PAPOLA: variants seen among roughly 807,000 people sequenced by gnomAD.
PAPOLA encodes the protein poly(A) polymerase alpha.
In PAPOLA, 15 loss-of-function variants were observed where a neutral mutation model predicts 100.6. The observed-to-expected ratio is 0.15, with a 90% CI of 0.10 to 0.23. The LOEUF is 0.23. Among genes scored for constraint, PAPOLA ranks in the 10% least tolerant of loss-of-function variants. PAPOLA has a pLI of 1.00. For missense variants in PAPOLA, 533 were observed against 884.2 expected (o/e 0.60, Z 5.04); for synonymous variants, 293 against 300.0 (o/e 0.98, Z 0.24).
At chr14:96,512,319 C>T (rs1036673179) in intron 1 of PAPOLA, among the ~76,000 whole-genome samples, 6 of 151,778 alleles carry the variant, frequency 4.0e-5, no homozygotes, top group East Asian at 1.9e-4. Flanking sequence ...AAGGGAGGAT[C>T]GCCTGAGCTC....
At chr14:96,550,504 A>G (rs190333579) in intron 16 of PAPOLA, among the ~76,000 whole-genome samples, 49 of 152,324 alleles carry the variant, frequency 3.2e-4, no homozygotes, top group African/African-American at 1.2e-3. Context: ...CAAAAATTCT[A>G]TCAGATGAAG....
intron 12 of PAPOLA, among the ~76,000 whole-genome samples, chr14:96,538,390 A>T (rs1899708700): frequency 6.6e-6 from 1 of 152,046 alleles, no homozygotes; most frequent in Non-Finnish European, 1.5e-5. Flanking sequence ...GAACAAATTC[A>T]CATCATTAGA....
intron 1 of PAPOLA, among the ~76,000 whole-genome samples, chr14:96,505,559 C>T (rs1896650893): frequency 6.6e-6 from 1 of 151,950 alleles, no homozygotes; most frequent in Non-Finnish European, 1.5e-5. Context: ...AAGGTTTAGG[C>T]GAGACAATAG....
intron 1 of PAPOLA, among the ~76,000 whole-genome samples, chr14:96,516,332 TCTTTCCTTCC>T (rs1897459878): frequency 2.6e-5 from 4 of 152,166 alleles, no homozygotes; most frequent in South Asian, 4.1e-4. Context: ...TTTCTTTCTT[TCTTTCCTTCC>T]CTTTCCTTCC....
rs780610032 is a variant in PAPOLA, at chr14:96,502,419, G to C, written c.-174G>C. ...TGGTAGCGCTCGGGCGCCATGTTAG[G>C]ACGAAGGGGAAGGAGGAGAAGCGCT... is the stretch of plus-strand genomic sequence containing the variant. On this transcript the variant is annotated 5_prime_UTR_variant, in exon 1 of 22. Coordinates refer to ENST00000216277, the MANE Select transcript of PAPOLA (RefSeq NM_032632.5). 40 of 702,664 alleles carry C rather than the reference G, an allele frequency of 5.7e-5. No individual in the cohort carries two copies. Among genetic ancestry groups the C allele is most frequent in the Non-Finnish European group, 9.9e-5 (38 of 385,260 alleles). The allele number at this position is 702,664 out of a possible 1,614,324, so 43.5% of individuals were successfully genotyped here.
In PAPOLA at chr14:96,502,451, G is replaced by T. The variant is rs762085883; in HGVS notation, c.-142G>T. The T allele has an allele frequency of 7.0e-6, 5 of 709,886 alleles. No homozygotes were observed. The African/African-American group carries it at 7.2e-5, about 10-fold the overall frequency. 44.0% of individuals were successfully genotyped at this position (709,886 alleles called of 1,614,324 possible). On this transcript the variant is annotated 5_prime_UTR_variant, in exon 1 of 22. Transcript: ENST00000216277. Reference sequence around the variant, plus strand: ...GGGAAGGAGGAGAAGCGCTTAAAGCGGCGGGAGCGGTGCGGGAGAGGGGTT... The same window carrying T: ...GGGAAGGAGGAGAAGCGCTTAAAGCTGCGGGAGCGGTGCGGGAGAGGGGTT...
At chr14:96,515,907 G>A (rs1272603504) in intron 1 of PAPOLA, among the ~76,000 whole-genome samples, 1 of 152,188 alleles carries the variant, frequency 6.6e-6, no homozygotes, top group Non-Finnish European at 1.5e-5. Flanking sequence ...AATGGGAGGA[G>A]GAACTTTGCA....
chr14:96,559,192 G>C (rs13379390), intron 19 of PAPOLA, among the ~76,000 whole-genome samples: 8 of 151,590 alleles, frequency 5.3e-5, no homozygotes, highest in Non-Finnish European at 8.8e-5. Flanking sequence ...TTCCAGTTAC[G>C]GATCTAGTTA....
chr14:96,560,702 A>T lies in PAPOLA; in HGVS notation c.2058A>T (p.Thr686=). The T allele has an allele frequency of 6.3e-7, 1 of 1,591,850 alleles. No individual in the cohort carries two copies. The highest frequency in any genetic ancestry group is 8.6e-7 in the Non-Finnish European group (1 of 1,160,586). ...TTGCTTTGAGTGGACATGATAAAAC[A>T]GAAGCAAAGGTATACTAATTTAGCC... ...NCLALSGHDK[T]EAKEQLDTET... The change falls in exon 20 of 22, where the codon ACA becomes ACT. Residue 686 remains threonine (T), a synonymous_variant. Transcript: ENST00000216277.
At chr14:96,512,814 A>G (rs748611251) in intron 1 of PAPOLA, among the ~76,000 whole-genome samples, 28 of 152,210 alleles carry the variant, frequency 1.8e-4, no homozygotes, top group Non-Finnish European at 3.8e-4. Flanking sequence ...AACAACCTTG[A>G]TTACCTTTCT....
intron 1 of PAPOLA, among the ~76,000 whole-genome samples, chr14:96,518,687 G>A (rs889309144): frequency 2.0e-5 from 3 of 151,090 alleles, no homozygotes; most frequent in Non-Finnish European, 1.5e-5. Context: ...GTGAGCCACC[G>A]CGCCTGGCCT....
chr14:96,559,717 T>C (rs1312511072), intron 19 of PAPOLA, among the ~76,000 whole-genome samples: 21 of 151,578 alleles, frequency 1.4e-4, no homozygotes, highest in Admixed American at 1.4e-3. Context: ...TTGCATCACC[T>C]AGCTTCAACA....
chr14:96,505,414 T>C (rs1251549901), intron 1 of PAPOLA, among the ~76,000 whole-genome samples: 1 of 152,210 alleles, frequency 6.6e-6, no homozygotes, highest in African/African-American at 2.4e-5. Context: ...TCTGTGTTGG[T>C]CAGATATTTT....
intron 14 of PAPOLA, 80 bp downstream of exon 14, chr14:96,542,973 C>T (rs760032519): frequency 1.4e-6 from 2 of 1,404,808 alleles, no homozygotes; most frequent in Non-Finnish European, 2.0e-6. Context: ...TTTTTTATAA[C>T]TAGTATAACT....
chr14:96,509,067 T>G (rs1896925046), intron 1 of PAPOLA, among the ~76,000 whole-genome samples: 1 of 152,178 alleles, frequency 6.6e-6, no homozygotes, highest in Non-Finnish European at 1.5e-5. Context: ...AGGAACTCAC[T>G]GTTGCCCAGG....
chr14:96,536,912 GATT>G lies in PAPOLA; in HGVS notation c.1031-60_1031-58del. ...TAGTGAGTGCATGTAGTATGATTAA[GATT>G]ATTTAAAATTCTAGATTGTAGACTG... On this transcript the variant is annotated intron_variant, in intron 11 of 21. Transcript: ENST00000216277. 3.3e-6 allele frequency: 3 copies of G among 922,900 alleles called. No homozygotes were observed. The Admixed American group carries it at 5.4e-5, about 17-fold the overall frequency. 57.2% of individuals were successfully genotyped at this position (922,900 alleles called of 1,614,324 possible). A position where few individuals can be genotyped will look rare whatever the true frequency, so the allele number is the denominator to read the frequency against.
chr14:96,549,493 C>T (rs915247613), intron 16 of PAPOLA, among the ~76,000 whole-genome samples: 1 of 152,122 alleles, frequency 6.6e-6, no homozygotes, highest in African/African-American at 2.4e-5. Flanking sequence ...CGTGATCCGC[C>T]TGCCTCAGCC....
At chr14:96,538,430 A>G (rs1899712518) in intron 12 of PAPOLA, among the ~76,000 whole-genome samples, 1 of 152,054 alleles carries the variant, frequency 6.6e-6, no homozygotes, top group Admixed American at 6.5e-5. Flanking sequence ...AGCTTGCTTA[A>G]TGTTTCTTTT....
intron 1 of PAPOLA, chr14:96,504,546 C>G (rs1896576726): frequency 6.6e-6 from 1 of 152,202 alleles, no homozygotes; most frequent in Admixed American, 6.5e-5. Context: ...CAACAAAAAA[C>G]ACAAGTTAGC....
Sources: gnomAD v4.1 joint callset for allele counts (sites outside exome capture counted in the v4.1 genomes callset) on GRCh38, gnomAD v4.1.1 for gene constraint, MANE v1.5 for transcripts, NCBI Gene and HGNC (gene_info 2026-07-23, HGNC 2026-07-21) for gene names.